DRC11: variants seen among roughly 807,000 people sequenced by gnomAD.
DRC11 encodes IQ and AAA domain-containing protein 1.
chr2:236,404,977 G>A, the DRC11 span, among the ~76,000 whole-genome samples: 7 of 152,114 alleles, frequency 4.6e-5, no homozygotes, highest in Non-Finnish European at 8.8e-5. Context: ...AGCTCTCTGG[G>A]GTCTCTTTCA....
the DRC11 span, chr2:236,507,336 C>A: frequency 6.4e-7 from 1 of 1,551,470 alleles, no homozygotes; most frequent in African/African-American, 1.4e-5. Flanking sequence ...AGGACGGTGG[C>A]AGCAGGGGTC....
chr2:236,440,204 A>C, the DRC11 span, among the ~76,000 whole-genome samples: 2 of 152,234 alleles, frequency 1.3e-5, no homozygotes, highest in African/African-American at 4.8e-5. Context: ...TGTATGTTTG[A>C]AGGCCCCCTA....
the DRC11 span, among the ~76,000 whole-genome samples, chr2:236,444,493 C>T: frequency 6.6e-6 from 1 of 152,210 alleles, no homozygotes; most frequent in Non-Finnish European, 1.5e-5. Context: ...TGAAGGCCCC[C>T]AGGGGTCCTG....
At chr2:236,461,551 C>A in the DRC11 span, among the ~76,000 whole-genome samples, 1 of 152,144 alleles carries the variant, frequency 6.6e-6, no homozygotes, top group Non-Finnish European at 1.5e-5. The surrounding 1 kb of genome is among the most constrained non-coding windows in gnomAD (Gnocchi z 4.0). Context: ...AATTTATATA[C>A]CAGTTTCATC....
At chr2:236,327,709 A>G in the DRC11 span, among the ~76,000 whole-genome samples, 1 of 150,648 alleles carries the variant, frequency 6.6e-6, no homozygotes, top group African/African-American at 2.4e-5. Context: ...TTTGAGATGG[A>G]GTTTCGCTCG....
At chr2:236,498,736 G>A in the DRC11 span, among the ~76,000 whole-genome samples, 3 of 152,122 alleles carry the variant, frequency 2.0e-5, no homozygotes, top group Admixed American at 1.3e-4. Context: ...CCGGTTTCCC[G>A]AGACTATGTC....
chr2:236,347,579 G>T, the DRC11 span, among the ~76,000 whole-genome samples: 1 of 147,222 alleles, frequency 6.8e-6, no homozygotes, highest in Non-Finnish European at 1.5e-5. Context: ...CATTTGCAAT[G>T]ACCTGGATGA....
chr2:236,419,043 C>T, the DRC11 span: 213 of 1,403,126 alleles, frequency 1.5e-4, no homozygotes, highest in Non-Finnish European at 1.9e-4. This position sits in a 1 kb window ranked among gnomAD's most constrained non-coding sequence, Gnocchi z 4.8. Flanking sequence ...AGGAAACAAA[C>T]GGCTGCACTC....
chr2:236,403,846 C>T, the DRC11 span, among the ~76,000 whole-genome samples: 43 of 152,228 alleles, frequency 2.8e-4, 1 homozygote, highest in South Asian at 2.9e-3. Context: ...CCTGCCTCCC[C>T]GATCCTCGCT....
At chr2:236,321,180 T>C in the DRC11 span, among the ~76,000 whole-genome samples, 1 of 152,250 alleles carries the variant, frequency 6.6e-6, no homozygotes, top group Non-Finnish European at 1.5e-5. Flanking sequence ...TTTTGGTATA[T>C]ACCCACGAAG....
At chr2:236,404,968 G>C in the DRC11 span, among the ~76,000 whole-genome samples, 3 of 152,168 alleles carry the variant, frequency 2.0e-5, no homozygotes, top group African/African-American at 7.2e-5. Flanking sequence ...GGGCAAAGCA[G>C]CTCTCTGGGG....
the DRC11 span, among the ~76,000 whole-genome samples, chr2:236,356,372 A>G: frequency 6.6e-6 from 1 of 152,080 alleles, no homozygotes; most frequent in Admixed American, 6.5e-5. Context: ...ATCTTCTCAC[A>G]CTGGGATATT....
chr2:236,503,765 C>T, the DRC11 span: 5 of 1,420,136 alleles, frequency 3.5e-6, no homozygotes, highest in South Asian at 1.2e-5. This position sits in a 1 kb window ranked among gnomAD's most constrained non-coding sequence, Gnocchi z 4.9. Flanking sequence ...CACACTGGAC[C>T]GCCAGGGACC....
At chr2:236,489,276 T>C in the DRC11 span, among the ~76,000 whole-genome samples, 4 of 130,524 alleles carry the variant, frequency 3.1e-5, 1 homozygote, top group African/African-American at 6.0e-5. Flanking sequence ...GGGTGCATAC[T>C]GGGGCCTGTG....
chr2:236,482,467 G>A, the DRC11 span, among the ~76,000 whole-genome samples: 1 of 152,162 alleles, frequency 6.6e-6, no homozygotes, highest in African/African-American at 2.4e-5. The surrounding 1 kb of genome is among the most constrained non-coding windows in gnomAD (Gnocchi z 4.5). Context: ...CTTGCCAACT[G>A]GCTTTCAGAA....
At chr2:236,431,798 T>C in the DRC11 span, among the ~76,000 whole-genome samples, 69 of 152,360 alleles carry the variant, frequency 4.5e-4, no homozygotes, top group African/African-American at 1.6e-3. This position sits in a 1 kb window ranked among gnomAD's most constrained non-coding sequence, Gnocchi z 4.2. Flanking sequence ...TAAAGTTGCA[T>C]GGATATACCA....
At chr2:236,381,940 T>C in the DRC11 span, among the ~76,000 whole-genome samples, 2 of 152,218 alleles carry the variant, frequency 1.3e-5, no homozygotes, top group Non-Finnish European at 2.9e-5. This position sits in a 1 kb window ranked among gnomAD's most constrained non-coding sequence, Gnocchi z 5.8. Flanking sequence ...CTTTTTATCC[T>C]CTTAACAGGG....
At chr2:236,421,586 A>C in the DRC11 span, among the ~76,000 whole-genome samples, 23 of 152,326 alleles carry the variant, frequency 1.5e-4, no homozygotes, top group Admixed American at 7.2e-4. Flanking sequence ...CCAACCAAAA[A>C]AAGTCCAGGC....
chr2:236,488,406 C>T, the DRC11 span, among the ~76,000 whole-genome samples: 1 of 152,118 alleles, frequency 6.6e-6, no homozygotes, highest in Non-Finnish European at 1.5e-5. Flanking sequence ...AATTTAAGGG[C>T]CCCCTGACTT....
Sources: allele counts gnomAD v4.1 joint callset (sites outside exome capture counted in the v4.1 genomes callset), GRCh38; gene constraint gnomAD v4.1.1; non-coding constraint Gnocchi (gnomAD v3.1); transcripts MANE v1.5; gene names NCBI Gene and HGNC (gene_info 2026-07-23, HGNC 2026-07-21).